The following MCTP1 variants were observed in gnomAD, a reference collection of about 807,000 sequenced individuals.
MCTP1 encodes the protein multiple C2 and transmembrane domain containing 1, also known as multiple C2 and transmembrane domain-containing protein 1.
MCTP1 carries 69 observed loss-of-function variants against 120.6 expected under a neutral mutation model. That is an observed-to-expected ratio of 0.57 (90% CI 0.47 to 0.70). MCTP1 has a LOEUF of 0.70. MCTP1 is among the 30% of genes least tolerant of loss of function. The pLI, the probability that MCTP1 is intolerant of heterozygous loss-of-function variation, is 0.00. For missense variants in MCTP1, 1,203 were observed against 1,248.8 expected (o/e 0.96, Z 0.55); for synonymous variants, 529 against 493.1 (o/e 1.07, Z -0.96).
chr5:95,108,620 T>C (rs1212353990), intron 1 of MCTP1, among the ~76,000 whole-genome samples: 2 of 152,198 alleles, frequency 1.3e-5, no homozygotes, highest in African/African-American at 2.4e-5. Context: ...ATTTATTCCA[T>C]CTATTATAAA....
rs147612048 is a variant in MCTP1, at chr5:95,281,717, T to C, written c.720+2139A>G. On this transcript the variant is annotated intron_variant, in intron 1 of 22. Coordinates refer to ENST00000515393, the MANE Select transcript of MCTP1 (RefSeq NM_024717.7). ...ATAATGAAAAGCTTCTTCAGAGTTATAGATCATGATAATCTCATTCGTGAC... is the reference window on the plus strand; with the variant it reads ...ATAATGAAAAGCTTCTTCAGAGTTACAGATCATGATAATCTCATTCGTGAC... 7.3e-3 allele frequency among the ~76,000 whole-genome samples: 1,107 copies of C among 152,336 alleles called. 12 individuals carry two copies. The highest frequency in any genetic ancestry group is 0.011 in the Non-Finnish European group (780 of 68,020).
intron 1 of MCTP1, among the ~76,000 whole-genome samples, chr5:95,028,600 T>C (rs1408230486): frequency 6.6e-6 from 1 of 152,174 alleles, no homozygotes; most frequent in African/African-American, 2.4e-5. Context: ...ACTAATAACC[T>C]TTCCGCCTAC....
intron 7 of MCTP1, among the ~76,000 whole-genome samples, chr5:94,923,363 GA>G (rs1440212341): frequency 2.6e-5 from 4 of 152,004 alleles, no homozygotes; most frequent in Non-Finnish European, 4.4e-5. Context: ...TTAGAGCAGA[GA>G]AAAAAATGGA....
At chr5:95,276,683 C>T (rs2152740423) in intron 1 of MCTP1, among the ~76,000 whole-genome samples, 1 of 151,708 alleles carries the variant, frequency 6.6e-6, no homozygotes, top group Middle Eastern at 3.4e-3. Context: ...GGCGCGGTGG[C>T]TCACGCCTGT....
chr5:95,273,826 G>C (rs1759597218), intron 1 of MCTP1, among the ~76,000 whole-genome samples: 1 of 152,152 alleles, frequency 6.6e-6, no homozygotes, highest in African/African-American at 2.4e-5. Context: ...AACAGAACTA[G>C]GAAAAATCAA....
chr5:94,794,522 AG>A (rs1167999248), intron 18 of MCTP1, among the ~76,000 whole-genome samples: 2 of 152,354 alleles, frequency 1.3e-5, no homozygotes, highest in Admixed American at 6.5e-5. Flanking sequence ...CCTTTGGGAA[AG>A]GAATGCCCAT....
intron 19 of MCTP1, among the ~76,000 whole-genome samples, chr5:94,722,800 C>G (rs1243090287): frequency 2.6e-5 from 4 of 152,148 alleles, no homozygotes; most frequent in Non-Finnish European, 1.5e-5. Flanking sequence ...TGGAGCTCTT[C>G]TTTGGACAAG....
chr5:94,801,040 T>C (rs1218946083), intron 17 of MCTP1, among the ~76,000 whole-genome samples: 1 of 152,062 alleles, frequency 6.6e-6, no homozygotes, highest in Admixed American at 6.5e-5. Flanking sequence ...AAGATAATTA[T>C]TTTTTTAGGA....
chr5:95,206,985 A>G (rs182594574), intron 1 of MCTP1, among the ~76,000 whole-genome samples: 3 of 152,296 alleles, frequency 2.0e-5, no homozygotes, highest in East Asian at 3.9e-4. Context: ...ATTTATACCC[A>G]CTGACATACA....
At chr5:95,243,983 GA>G (rs1251574138) in intron 1 of MCTP1, among the ~76,000 whole-genome samples, 2 of 152,192 alleles carry the variant, frequency 1.3e-5, no homozygotes, top group Non-Finnish European at 2.9e-5. Context: ...ACACTAACTG[GA>G]TGCCGGTGTT....
At position 95,124,428 on chromosome 5, in the gene MCTP1, A is replaced by C. The variant is rs76840358; in HGVS notation, c.721-106944T>G. Among the ~76,000 whole-genome samples, 705 of 152,358 alleles carry C rather than the reference A, an allele frequency of 4.6e-3. 3 individuals are homozygous for C. The highest frequency in any genetic ancestry group is 0.016 in the African/African-American group (651 of 41,584). On this transcript the variant is annotated intron_variant, in intron 1 of 22. Coordinates refer to ENST00000515393, the MANE Select transcript of MCTP1 (RefSeq NM_024717.7). ...CTGGCTCAAAAAGTATATGGATTAAACATATAAATCTCTTACTGGTTTTGT... is the reference window on the plus strand; with the variant it reads ...CTGGCTCAAAAAGTATATGGATTAACCATATAAATCTCTTACTGGTTTTGT...
At chr5:94,968,815 T>A (rs901552088) in intron 2 of MCTP1, among the ~76,000 whole-genome samples, 1 of 152,366 alleles carries the variant, frequency 6.6e-6, no homozygotes, top group African/African-American at 2.4e-5. Flanking sequence ...TGCTTTGTTG[T>A]TATTATCTGG....
intron 2 of MCTP1, among the ~76,000 whole-genome samples, chr5:94,960,036 T>A (rs1823730883): frequency 6.6e-6 from 1 of 152,144 alleles, no homozygotes; most frequent in Non-Finnish European, 1.5e-5. Context: ...AAGGCTACAG[T>A]AACCAAAACA....
At chr5:94,858,006 T>A (rs774238716) in intron 17 of MCTP1, among the ~76,000 whole-genome samples, 6 of 151,700 alleles carry the variant, frequency 4.0e-5, no homozygotes, top group African/African-American at 1.4e-4. Flanking sequence ...CACCAGTTTT[T>A]CTAAGTAATT....
Position 95,257,796 on chromosome 5 carries a change from T to TAC in MCTP1, c.720+26058_720+26059dup, listed in dbSNP as rs369408591. Among the ~76,000 whole-genome samples, 391 of 125,418 alleles carry TAC rather than the reference T, an allele frequency of 3.1e-3. 1 individual carries two copies. Among genetic ancestry groups the TAC allele is most frequent in the African/African-American group, 8.0e-3 (251 of 31,478 alleles). The allele number at this position is 125,418 out of a possible 152,430, so 82.3% of individuals were successfully genotyped here. ...AAGGAAGGAAGTGCTCCAGAAAACATACACACACACACACACACACACACA... is the reference window on the plus strand; with the variant it reads ...AAGGAAGGAAGTGCTCCAGAAAACATACACACACACACACACACACACACACA... On this transcript the variant is annotated intron_variant, in intron 1 of 22. Coordinates refer to ENST00000515393, the MANE Select transcript of MCTP1 (RefSeq NM_024717.7).
In MCTP1 at chr5:95,285,025, C is replaced by T. The variant is rs906937068; in HGVS notation, c.-450G>A. Among the ~76,000 whole-genome samples, 4 of 152,192 alleles carry T rather than the reference C, an allele frequency of 2.6e-5. No individual in the cohort carries two copies. The highest frequency in any genetic ancestry group is 5.9e-5 in the Non-Finnish European group (4 of 68,024). ...ACCGCACCCGGCGCCCTCTGGGCAG[C>T]ACCTGTCAGCGGCGGGGGCGGCTGC... On this transcript the variant is annotated 5_prime_UTR_variant, in exon 1 of 23. Coordinates refer to ENST00000515393, the MANE Select transcript of MCTP1 (RefSeq NM_024717.7).
chr5:94,712,402 G>A (rs1757368177), intron 20 of MCTP1, among the ~76,000 whole-genome samples: 1 of 138,098 alleles, frequency 7.2e-6, no homozygotes, highest in Non-Finnish European at 1.6e-5. Context: ...ATTGTATATT[G>A]TACTTACTTG....
chr5:95,158,137 C>T (rs560665395), intron 1 of MCTP1, among the ~76,000 whole-genome samples: 1 of 152,132 alleles, frequency 6.6e-6, no homozygotes, highest in Non-Finnish European at 1.5e-5. Context: ...ACATATTGAG[C>T]CTGGCAGTCA....
At chr5:94,907,557 T>A (rs989925424) in intron 10 of MCTP1, among the ~76,000 whole-genome samples, 1 of 151,972 alleles carries the variant, frequency 6.6e-6, no homozygotes, top group Non-Finnish European at 1.5e-5. Flanking sequence ...CAATTTGTAC[T>A]GTTTTCTCAA....
Sources: allele counts gnomAD v4.1 joint callset (sites outside exome capture counted in the v4.1 genomes callset), GRCh38; gene constraint gnomAD v4.1.1; transcripts MANE v1.5; gene names NCBI Gene and HGNC (gene_info 2026-07-23, HGNC 2026-07-21).